The following TMEM131L variants were observed in gnomAD, a reference collection of about 807,000 sequenced individuals.
TMEM131L encodes transmembrane protein 131-like.
TMEM131L carries 54 observed loss-of-function variants against 192.2 expected under a neutral mutation model. The ratio of observed to expected loss-of-function variants is 0.28; its 90% CI spans 0.23 to 0.35. TMEM131L has a LOEUF of 0.35. TMEM131L is among the 10% of genes least tolerant of loss of function. The probability of loss-of-function intolerance (pLI) is 1.00; values close to 1 mark genes in which losing one functional copy is unlikely to be tolerated. For missense variants in TMEM131L, 1,888 were observed against 1,972.9 expected (o/e 0.96, Z 0.82); for synonymous variants, 701 against 704.9 (o/e 0.99, Z 0.09).
intron 3 of TMEM131L, among the ~76,000 whole-genome samples, chr4:153,475,505 G>A (rs970772931): frequency 6.6e-6 from 1 of 152,144 alleles, no homozygotes; most frequent in African/African-American, 2.4e-5. Flanking sequence ...CAGTTGGGGG[G>A]AAAATAGCTC....
chr4:153,487,964 T>C (rs559527147), intron 3 of TMEM131L, among the ~76,000 whole-genome samples: 1 of 140,366 alleles, frequency 7.1e-6, no homozygotes, highest in Non-Finnish European at 1.5e-5. Flanking sequence ...GAGACCTTTG[T>C]GGGCCTGTGG....
chr4:153,493,828 T>C (rs1349586918), intron 3 of TMEM131L, among the ~76,000 whole-genome samples: 2 of 152,184 alleles, frequency 1.3e-5, no homozygotes, highest in African/African-American at 4.8e-5. Context: ...TTTTGAAGAT[T>C]ACATAAATCT....
Position 153,466,508 on chromosome 4 carries a change from G to C in TMEM131L, c.111G>C (p.Gly37=). Residue 37 remains glycine, a synonymous_variant, in exon 1 of 35, where the codon GGG becomes GGC. Coordinates refer to ENST00000409959, the MANE Select transcript of TMEM131L (RefSeq NM_001131007.2). ...QVLLPCCRPG[G]AQGQAIEPLP... The stretch of plus-strand genomic sequence containing the variant: ...TGCTGCCCTGCTGTCGCCCGGGAGG[G>C]GCTCAGGGACAAGGTCAGCCTTGCG... 1 of 1,400,712 alleles carries C rather than the reference G, an allele frequency of 7.1e-7. No homozygotes were observed. The highest frequency in any genetic ancestry group is 9.4e-7 in the Non-Finnish European group (1 of 1,067,922). 86.8% of individuals were successfully genotyped at this position (1,400,712 alleles called of 1,614,324 possible).
rs772411753 is a variant in TMEM131L at position 153,588,992 on chromosome 4, A to G, written c.1655A>G (p.Asn552Ser). The G allele has an allele frequency of 5.7e-6, 9 of 1,573,400 alleles. No homozygotes were observed. The highest frequency in any genetic ancestry group is 1.3e-5 in the African/African-American group (1 of 74,108). Residue 552 changes from asparagine (N) to serine (S), a missense_variant, in exon 16 of 35, where the codon AAT (asparagine) becomes AGT (serine). Coordinates refer to ENST00000409959, the MANE Select transcript of TMEM131L (RefSeq NM_001131007.2). ...TATGAAAGATGGAAGAAATATAAAA[A>G]TGGTGACGTCTGCAAGTACGTCTCC... is the stretch of plus-strand genomic sequence containing the variant. ...KLYERWKKYK[N>S]GDVCKRNVLG...
rs1231977060 is a variant in TMEM131L at position 153,527,289 on chromosome 4, C to A, written c.240-22784C>A. Among the ~76,000 whole-genome samples, 3 of 149,744 alleles carry A rather than the reference C, an allele frequency of 2.0e-5. No homozygotes were observed. The South Asian group carries it at 6.4e-4, about 32-fold the overall frequency. ...TCAGTTTTTTTTCTTTGTGGGGGGG[C>A]GGTGATGAGGTCTCATTCTGTTGCC... On this transcript the variant is annotated intron_variant, in intron 3 of 34. Coordinates refer to ENST00000409959, the MANE Select transcript of TMEM131L (RefSeq NM_001131007.2).
At chr4:153,498,394 TC>T (rs1314062319) in intron 3 of TMEM131L, among the ~76,000 whole-genome samples, 3 of 152,210 alleles carry the variant, frequency 2.0e-5, no homozygotes, top group Non-Finnish European at 4.4e-5. Flanking sequence ...TCCCACTCAT[TC>T]CCAGCTCGCT....
intron 1 of TMEM131L, 78 bp downstream of exon 1, chr4:153,466,599 A>C: frequency 5.8e-6 from 7 of 1,208,298 alleles, no homozygotes; most frequent in Non-Finnish European, 7.3e-6. Context: ...GCTGAAATCT[A>C]TAAGAGGGCG....
In TMEM131L at chr4:153,467,212, G is replaced by A. The variant is rs1304830211; in HGVS notation, c.126G>A (p.Ala42=). ...GTGTATTTTTTGGTGTTCCTGCAGC[G>A]ATTGAGCCGTTGCCGAACGTGGTGG... The part of the protein sequence containing the change: ...CCRPGGAQGQ[A]IEPLPNVVEL... The change falls in exon 2 of 35, where the codon GCG becomes GCA. Residue 42 remains alanine (A), a splice_region_variant and synonymous_variant. Coordinates refer to ENST00000409959, the MANE Select transcript of TMEM131L (RefSeq NM_001131007.2). 6.4e-7 allele frequency: 1 copy of A among 1,551,722 alleles called. No homozygotes were observed. Among genetic ancestry groups the A allele is most frequent in the Non-Finnish European group, 8.7e-7 (1 of 1,146,946 alleles).
In TMEM131L at chr4:153,585,623, ATTTTTTCCCCAAG is replaced by A; in HGVS notation, c.1311+17_1311+29del. The A allele has an allele frequency of 6.4e-7, 1 of 1,561,570 alleles. No homozygotes were observed. Among genetic ancestry groups the A allele is most frequent in the Non-Finnish European group, 8.7e-7 (1 of 1,150,294 alleles). On this transcript the variant is annotated intron_variant, in intron 13 of 34. Coordinates refer to ENST00000409959, the MANE Select transcript of TMEM131L (RefSeq NM_001131007.2). ...AGCACATGTTAAAGGTACATATAGT[ATTTTTTCCCCAAG>A]TTTTAGCTTATTTTAAGCTTTGTTT...
At chr4:153,500,806 C>T (rs79106356) in intron 3 of TMEM131L, among the ~76,000 whole-genome samples, 2,354 of 152,240 alleles carry the variant, frequency 0.015, 66 homozygotes, top group African/African-American at 0.054. Flanking sequence ...CGCTCACACA[C>T]GCGTGCATGC....
chr4:153,612,456 T>A, intron 26 of TMEM131L, 56 bp downstream of exon 26: 1 of 1,333,344 alleles, frequency 7.5e-7, no homozygotes, highest in Non-Finnish European at 1.0e-6. Flanking sequence ...GGACTGTGTA[T>A]TAAGTGAATA....
At chr4:153,590,998 T>G in intron 16 of TMEM131L, 55 bp from the exon 17 acceptor site, 1 of 1,229,420 alleles carries the variant, frequency 8.1e-7, no homozygotes, top group South Asian at 2.0e-5. Context: ...TATTAAATAT[T>G]AAATTTTTAA....
chr4:153,506,006 A>G (rs767952205), intron 3 of TMEM131L, among the ~76,000 whole-genome samples: 1 of 152,338 alleles, frequency 6.6e-6, no homozygotes, highest in Admixed American at 6.5e-5. Context: ...CAACTTTTTC[A>G]TGTAGTAAAA....
intron 30 of TMEM131L, among the ~76,000 whole-genome samples, chr4:153,627,110 C>T (rs943496435): frequency 1.3e-5 from 2 of 152,136 alleles, no homozygotes; most frequent in Non-Finnish European, 2.9e-5. Flanking sequence ...GGAAACTTGA[C>T]TAGTGCACAG....
chr4:153,613,527 AG>A (rs1360088423), intron 26 of TMEM131L, among the ~76,000 whole-genome samples: 16 of 152,304 alleles, frequency 1.1e-4, no homozygotes, highest in African/African-American at 3.8e-4. Context: ...AACCTTAGAG[AG>A]ATCCTTAGGG....
chr4:153,550,995 A>G (rs561002130), intron 4 of TMEM131L, among the ~76,000 whole-genome samples: 9 of 152,320 alleles, frequency 5.9e-5, no homozygotes, highest in African/African-American at 1.9e-4. Context: ...AGGAAGGGTG[A>G]CGCTGTGGAG....
At chr4:153,486,445 C>A (rs889845560) in intron 3 of TMEM131L, among the ~76,000 whole-genome samples, 2 of 152,218 alleles carry the variant, frequency 1.3e-5, no homozygotes, top group African/African-American at 4.8e-5. Context: ...AAAACCCTGA[C>A]TCAACCAGCT....
At position 153,596,277 on chromosome 4, in the gene TMEM131L, C is replaced by A. The variant is rs954308764; in HGVS notation, c.2015C>A (p.Ser672Tyr). Residue 672 changes from serine (S) to tyrosine (Y), a missense_variant, in exon 20 of 35, where the codon TCC becomes TAC. Physicochemically the swap from Ser to Tyr is moderately radical, Grantham distance 144 (BLOSUM62 -2). Coordinates refer to ENST00000409959, the MANE Select transcript of TMEM131L (RefSeq NM_001131007.2). Reference sequence around the variant, plus strand: ...TTGCAGGGTACGCATTCTGAGGAATCCAGGTTTGGCATCCTCCACTTACAT... The same window carrying A: ...TTGCAGGGTACGCATTCTGAGGAATACAGGTTTGGCATCCTCCACTTACAT... ...CPYLGTHSEE[S>Y]RFGILHLHLQ... 6.2e-7 allele frequency: 1 copy of A among 1,613,770 alleles called. No homozygotes were observed. The highest frequency in any genetic ancestry group is 1.7e-5 in the Admixed American group (1 of 59,992).
intron 31 of TMEM131L, among the ~76,000 whole-genome samples, chr4:153,628,341 T>G (rs1378675684): frequency 6.6e-6 from 1 of 152,244 alleles, no homozygotes; most frequent in Non-Finnish European, 1.5e-5. Context: ...TTCTTCTCTT[T>G]TCCTCCTCTT....
Sources: allele counts gnomAD v4.1 joint callset (sites outside exome capture counted in the v4.1 genomes callset), GRCh38; gene constraint gnomAD v4.1.1; transcripts MANE v1.5; gene names NCBI Gene and HGNC (gene_info 2026-07-23, HGNC 2026-07-21).